Variants in ANKS1B observed in about 807,000 individuals in gnomAD.
The protein encoded by ANKS1B is ankyrin repeat and sterile alpha motif domain-containing protein 1B.
ANKS1B carries 36 observed loss-of-function variants against 148.3 expected under a neutral mutation model. That is an observed-to-expected ratio of 0.24 (90% confidence interval 0.19 to 0.32). The LOEUF is 0.32. Ranked by LOEUF, ANKS1B falls within the 10% of genes least tolerant of loss-of-function variation. The pLI, the probability that ANKS1B is intolerant of heterozygous loss-of-function variation, is 1.00. For synonymous variants in ANKS1B, 542 were observed against 560.8 expected, an observed-to-expected ratio of 0.97 and a Z score of 0.47; for missense variants, 1,157 against 1,542.6, an observed-to-expected ratio of 0.75 and a Z score of 4.19.
intron 9 of ANKS1B, among the ~76,000 whole-genome samples, chr12:98,737,707 T>C (rs550655706): frequency 6.6e-6 from 1 of 152,358 alleles, no homozygotes; most frequent in African/African-American, 2.4e-5. Context: ...CACCAGCATT[T>C]TATCTTGCCG....
chr12:99,425,033 T>C (rs1263903965), intron 11 of ANKS1B, among the ~76,000 whole-genome samples: 1 of 152,024 alleles, frequency 6.6e-6, no homozygotes, highest in African/African-American at 2.4e-5. Context: ...AAATTAGTTC[T>C]GACCACGAGG....
intron 14 of ANKS1B, among the ~76,000 whole-genome samples, chr12:99,171,156 T>C (rs572116931): frequency 1.3e-5 from 2 of 152,328 alleles, no homozygotes; most frequent in Non-Finnish European, 1.5e-5. Flanking sequence ...ATAAGAAAGA[T>C]CTCGACTAAC....
intron 15 of ANKS1B, among the ~76,000 whole-genome samples, chr12:99,135,868 C>G (rs2067860020): frequency 6.6e-6 from 1 of 152,082 alleles, no homozygotes; most frequent in Non-Finnish European, 1.5e-5. Context: ...GTGTGGCAGT[C>G]TCAGAGAACA....
chr12:99,916,898 G>C (rs1295107280), intron 1 of ANKS1B, among the ~76,000 whole-genome samples: 1 of 152,206 alleles, frequency 6.6e-6, no homozygotes, highest in Non-Finnish European at 1.5e-5. Flanking sequence ...TTAAAAGTGA[G>C]AGTACATATT....
At chr12:99,814,785 CAG>C (rs1424400664) in intron 2 of ANKS1B, among the ~76,000 whole-genome samples, 1 of 151,704 alleles carries the variant, frequency 6.6e-6, no homozygotes, top group Non-Finnish European at 1.5e-5. Flanking sequence ...AAATGAGAAA[CAG>C]ATGTAATTGT....
intron 9 of ANKS1B, among the ~76,000 whole-genome samples, chr12:99,552,922 A>G (rs1184581854): frequency 6.6e-6 from 1 of 152,232 alleles, no homozygotes; most frequent in Non-Finnish European, 1.5e-5. Flanking sequence ...AAGTCTGTAC[A>G]TGTTCAGGAC....
intron 10 of ANKS1B, among the ~76,000 whole-genome samples, chr12:99,480,172 G>T (rs2096388271): frequency 6.6e-6 from 1 of 151,732 alleles, no homozygotes; most frequent in South Asian, 2.1e-4. Flanking sequence ...ATATTAATGT[G>T]TAAAATAATT....
rs187606067 is a variant in ANKS1B at position 99,022,534 on chromosome 12, C to T, written c.2778+30623G>A. Among the ~76,000 whole-genome samples the T allele has an allele frequency of 1.8e-4, 27 of 152,194 alleles. No individual in the cohort carries two copies. The East Asian group carries it at 5.0e-3, about 28-fold the overall frequency. On this transcript the variant is annotated intron_variant, in intron 17 of 26. Transcript: ENST00000683438. Reference sequence around the variant, plus strand: ...ATACTGTTTATTTCCCAGGAGTTGACATTTTATTATGTTTTGTTTCTTTCT... The same window carrying T: ...ATACTGTTTATTTCCCAGGAGTTGATATTTTATTATGTTTTGTTTCTTTCT...
chr12:99,527,331 T>G (rs1368557417), intron 9 of ANKS1B, among the ~76,000 whole-genome samples: 2 of 152,218 alleles, frequency 1.3e-5, no homozygotes, highest in African/African-American at 4.8e-5. Context: ...TCTTTCTTCT[T>G]GATAAAATTC....
chr12:98,965,876 A>T (rs2099877403), intron 17 of ANKS1B, among the ~76,000 whole-genome samples: 1 of 152,202 alleles, frequency 6.6e-6, no homozygotes, highest in African/African-American at 2.4e-5. Context: ...TCCCTTCCTT[A>T]CACCTCATAC....
At chr12:99,333,062 C>T (rs995716843) in intron 12 of ANKS1B, among the ~76,000 whole-genome samples, 1 of 152,180 alleles carries the variant, frequency 6.6e-6, no homozygotes, top group Non-Finnish European at 1.5e-5. Flanking sequence ...AGAAACATCA[C>T]TCTGGAGGAT....
At chr12:98,911,450 A>G (rs1234089889) in intron 17 of ANKS1B, among the ~76,000 whole-genome samples, 1 of 152,216 alleles carries the variant, frequency 6.6e-6, no homozygotes, top group Non-Finnish European at 1.5e-5. Flanking sequence ...TTTACTGAGT[A>G]AAAACATAGT....
At chr12:99,072,466 C>T (rs1340879782) in intron 16 of ANKS1B, among the ~76,000 whole-genome samples, 1 of 151,962 alleles carries the variant, frequency 6.6e-6, no homozygotes, top group African/African-American at 2.4e-5. Flanking sequence ...GCCAAGGTGA[C>T]ACAAGCAGTA....
intron 12 of ANKS1B, among the ~76,000 whole-genome samples, chr12:99,259,280 G>A (rs1481823953): frequency 6.6e-6 from 1 of 152,158 alleles, no homozygotes; most frequent in Non-Finnish European, 1.5e-5. Context: ...TGCACAATTA[G>A]CCCAAAGATT....
chr12:98,923,416 A>T (rs896259427), intron 17 of ANKS1B, among the ~76,000 whole-genome samples: 2 of 152,196 alleles, frequency 1.3e-5, no homozygotes, highest in African/African-American at 4.8e-5. Context: ...ACTAAGACAG[A>T]GGTCTTCAAT....
At chr12:99,751,734 A>C (rs779748689) in intron 8 of ANKS1B, among the ~76,000 whole-genome samples, 135 of 152,250 alleles carry the variant, frequency 8.9e-4, no homozygotes, top group Non-Finnish European at 1.6e-3. Context: ...ATATTCAAGA[A>C]CAAGAAACAA....
chr12:99,308,162 T>G (rs181563207), intron 12 of ANKS1B, among the ~76,000 whole-genome samples: 1 of 152,226 alleles, frequency 6.6e-6, no homozygotes, highest in East Asian at 1.9e-4. Context: ...TATAATTCTA[T>G]AGAAATTATA....
chr12:99,839,883 A>G (rs1042327029), intron 1 of ANKS1B, among the ~76,000 whole-genome samples: 1 of 151,834 alleles, frequency 6.6e-6, no homozygotes, highest in Admixed American at 6.6e-5. Flanking sequence ...ATTCCACATG[A>G]AGTCTTATTT....
intron 1 of ANKS1B, among the ~76,000 whole-genome samples, chr12:99,927,443 T>A (rs980714491): frequency 6.6e-6 from 1 of 152,328 alleles, no homozygotes; most frequent in South Asian, 2.1e-4. Flanking sequence ...TATTCAAAAA[T>A]ATATATATGT....
Sources: gnomAD v4.1 joint callset for allele counts (sites outside exome capture counted in the v4.1 genomes callset) on GRCh38, gnomAD v4.1.1 for gene constraint, MANE v1.5 for transcripts, NCBI Gene and HGNC (gene_info 2026-07-23, HGNC 2026-07-21) for gene names.